The following ZBBX variants were observed in gnomAD, a reference collection of about 807,000 sequenced individuals.
The protein encoded by ZBBX is zinc finger B-box domain containing, also known as zinc finger B-box domain-containing protein 1.
Under a neutral mutation model 108.5 loss-of-function variants are expected in ZBBX, and 101 were observed. The ratio of observed to expected loss-of-function variants is 0.93; its 90% confidence interval spans 0.79 to 1.10. The LOEUF (loss-of-function observed/expected upper bound fraction) is 1.10. Among genes scored for constraint, ZBBX ranks in the 50% least tolerant of loss-of-function variants. The pLI is 0.00. For synonymous variants in ZBBX, 356 were observed against 323.4 expected, an observed-to-expected ratio of 1.10 and a Z score of -1.08; for missense variants, 1,009 against 941.4, an observed-to-expected ratio of 1.07 and a Z score of -0.94.
chr3:167,330,853 G>A (rs978258969), intron 10 of ZBBX, among the ~76,000 whole-genome samples: 1 of 23,762 alleles, frequency 4.2e-5, no homozygotes, highest in Non-Finnish European at 1.3e-4. Context: ...AGAGGAGGAG[G>A]AGGAGGAGGA....
the ZBBX span, among the ~76,000 whole-genome samples, chr3:167,219,091 C>A: frequency 2.0e-5 from 3 of 151,842 alleles, no homozygotes; most frequent in Non-Finnish European, 4.4e-5. Flanking sequence ...GAGGATATAA[C>A]AAGTTTAATA....
chr3:167,218,373 T>C, the ZBBX span, among the ~76,000 whole-genome samples: 2,037 of 152,192 alleles, frequency 0.013, 22 homozygotes, highest in South Asian at 0.026. Context: ...ATATCTTCAG[T>C]AGAACAATTA....
chr3:167,260,453 C>A (rs1724277395), intron 20 of ZBBX, among the ~76,000 whole-genome samples: 1 of 152,196 alleles, frequency 6.6e-6, no homozygotes, highest in Non-Finnish European at 1.5e-5. Context: ...TCTCTTCTTC[C>A]TCAGAACACC....
In ZBBX at chr3:167,305,868, G is replaced by A. The variant is rs1560099851; in HGVS notation, c.1500C>T (p.Thr500=). ...SSDIEKIEES[T]SFERNLKEKN... Reference sequence around the variant, plus strand: ...TCTCCTTTAAATTTCTTTCAAAGGAGGTGCTTTCCTCAATTTTTTCAATGT... The same window carrying A: ...TCTCCTTTAAATTTCTTTCAAAGGAAGTGCTTTCCTCAATTTTTTCAATGT... Residue 500 remains threonine (T), a synonymous_variant, in exon 17 of 22, where the codon ACC becomes ACT. Transcript: ENST00000675490. 6.2e-7 allele frequency: 1 copy of A among 1,608,536 alleles called. No individual in the cohort carries two copies. The highest frequency in any genetic ancestry group is 2.2e-5 in the East Asian group (1 of 44,712).
chr3:167,283,015 T>C (rs562184083), intron 19 of ZBBX, among the ~76,000 whole-genome samples: 1 of 152,318 alleles, frequency 6.6e-6, no homozygotes, highest in African/African-American at 2.4e-5. Flanking sequence ...AAAATCTATA[T>C]GAATATTTGG....
intron 10 of ZBBX, 122 bp from the exon 11 acceptor site, chr3:167,328,238 A>G: frequency 1.0e-6 from 1 of 964,762 alleles, no homozygotes; most frequent in Non-Finnish European, 1.5e-6. Context: ...GTCATCACAA[A>G]TCAGACTTTT....
Position 167,305,920 on chromosome 3 carries a change from A to G in ZBBX, c.1448T>C (p.Ile483Thr). 6.4e-7 allele frequency: 1 copy of G among 1,571,508 alleles called. No homozygotes were observed. Among genetic ancestry groups the G allele is most frequent in the Admixed American group, 1.9e-5 (1 of 52,422 alleles). ...AETSNTDFDNIVDPDVYSSDI... is the reference protein window; with the variant it reads ...AETSNTDFDNTVDPDVYSSDI... ...AGAAGAATACACATCAGGATCCACG[A>G]TGTTGTCAAAATCTGTGTTTGAAGT... is the stretch of plus-strand genomic sequence containing the variant. The change falls in exon 17 of 22, where the codon ATC (isoleucine) becomes ACC (threonine). Residue 483 changes from isoleucine to threonine, a missense_variant. Coordinates refer to ENST00000675490, the MANE Select transcript of ZBBX (RefSeq NM_001199201.2).
chr3:167,314,046 C>T lies in ZBBX; in HGVS notation c.1345G>A (p.Asp449Asn), dbSNP rs368899084. 1.5e-5 allele frequency: 24 copies of T among 1,606,970 alleles called. No individual in the cohort carries two copies. The highest frequency in any genetic ancestry group is 1.1e-5 in the Non-Finnish European group (13 of 1,176,586). ...ENGIHQHHVF[D>N]KGKRDFLNLC... ...TTTAAGAAGTCTCTCTTTCCCTTAT[C>T]GAAAACATGATGTTGATGGATGCCA... The change falls in exon 16 of 22, where the codon GAT becomes AAT. Residue 449 changes from aspartate to asparagine, a missense_variant. By Grantham distance (23) the Asp-to-Asn change is conservative (BLOSUM62 1). Transcript: ENST00000675490.
At chr3:167,223,897 C>T in the ZBBX span, among the ~76,000 whole-genome samples, 4 of 151,970 alleles carry the variant, frequency 2.6e-5, no homozygotes, top group African/African-American at 7.2e-5. Context: ...GATTTCTCTA[C>T]GGTAGTTAAT....
At chr3:167,323,668 A>G (rs1259928948) in intron 11 of ZBBX, among the ~76,000 whole-genome samples, 1 of 152,144 alleles carries the variant, frequency 6.6e-6, no homozygotes, top group Non-Finnish European at 1.5e-5. Flanking sequence ...GCTACATTGT[A>G]TAAGAATGTG....
intron 12 of ZBBX, among the ~76,000 whole-genome samples, chr3:167,321,228 T>G (rs1736387300): frequency 6.6e-6 from 1 of 151,838 alleles, no homozygotes; most frequent in East Asian, 1.9e-4. Flanking sequence ...CAGTTGAAGG[T>G]GAGTGGTGGT....
intron 20 of ZBBX, among the ~76,000 whole-genome samples, chr3:167,251,940 A>ACACACACT (rs1162661317): frequency 2.6e-5 from 4 of 151,460 alleles, no homozygotes; most frequent in Admixed American, 1.3e-4. Context: ...ACACACACAC[A>ACACACACT]CACACACACA....
rs1293500697 is a variant in ZBBX, at chr3:167,323,241, G to GC, written c.863-1005_863-1004insG. ...TTCTTGACAGGAGAGCTAAAAGAGGGGGGGGGGGGAAAGAACTCTTTTGTT... is the reference window on the plus strand; with the variant it reads ...TTCTTGACAGGAGAGCTAAAAGAGGGCGGGGGGGGGAAAGAACTCTTTTGTT... On this transcript the variant is annotated intron_variant, in intron 11 of 21. Coordinates refer to ENST00000675490, the MANE Select transcript of ZBBX (RefSeq NM_001199201.2). 9.3e-5 allele frequency among the ~76,000 whole-genome samples: 13 copies of GC among 139,332 alleles called. No individual in the cohort carries two copies. The East Asian group carries it at 2.5e-3, about 27-fold the overall frequency. 91.4% of individuals were successfully genotyped at this position (139,332 alleles called of 152,430 possible).
chr3:167,322,832 G>A (rs56819355), intron 11 of ZBBX, among the ~76,000 whole-genome samples: 7,721 of 151,938 alleles, frequency 0.051, 539 homozygotes, highest in African/African-American at 0.16. Context: ...ACCCTCCCAC[G>A]TATCGTTCCT....
the ZBBX span, among the ~76,000 whole-genome samples, chr3:167,233,162 T>C: frequency 3.2e-4 from 49 of 151,814 alleles, no homozygotes; most frequent in South Asian, 3.1e-3. Flanking sequence ...GCTGAGGCCA[T>C]GTTTCAATAA....
chr3:167,248,759 A>G (rs1042134964), intron 20 of ZBBX: 30 of 419,822 alleles, frequency 7.1e-5, no homozygotes, highest in African/African-American at 5.3e-4. Flanking sequence ...GAAGGAGGCC[A>G]TGCTTCATGG....
At chr3:167,267,394 A>G (rs1725716911) in intron 20 of ZBBX, among the ~76,000 whole-genome samples, 1 of 152,214 alleles carries the variant, frequency 6.6e-6, no homozygotes, top group Non-Finnish European at 1.5e-5. Flanking sequence ...GAAATTTCTA[A>G]TATGAGAAAT....
chr3:167,280,614 G>C (rs1281688857), intron 20 of ZBBX, among the ~76,000 whole-genome samples: 2 of 151,058 alleles, frequency 1.3e-5, no homozygotes, highest in African/African-American at 4.9e-5. Context: ...ACAGGTGCTA[G>C]AGAGGATGTG....
intron 9 of ZBBX, among the ~76,000 whole-genome samples, chr3:167,343,694 G>C (rs1343497665): frequency 1.3e-5 from 2 of 151,884 alleles, no homozygotes; most frequent in African/African-American, 4.8e-5. Context: ...TTACTAGGAT[G>C]TTAGACCAAA....
Sources: allele counts gnomAD v4.1 joint callset (sites outside exome capture counted in the v4.1 genomes callset), GRCh38; gene constraint gnomAD v4.1.1; transcripts MANE v1.5; gene names NCBI Gene and HGNC (gene_info 2026-07-23, HGNC 2026-07-21).